Variants in ABCC4 observed in about 807,000 individuals in gnomAD.
The protein encoded by ABCC4 is ATP-binding cassette sub-family C member 4.
Under a neutral mutation model 168.5 loss-of-function variants are expected in ABCC4, and 102 were observed. The observed-to-expected ratio is 0.61, with a 90% CI of 0.52 to 0.71. ABCC4 has a LOEUF of 0.71. Among genes scored for constraint, ABCC4 ranks in the 30% least tolerant of loss-of-function variants. The pLI is 0.00. For missense variants in ABCC4, 1,402 were observed against 1,605.8 expected, an observed-to-expected ratio of 0.87 and a Z score of 2.17; for synonymous variants, 617 against 590.7, an observed-to-expected ratio of 1.04 and a Z score of -0.65.
chr13:95,079,157 C>T (rs2034006849), intron 21 of ABCC4, among the ~76,000 whole-genome samples: 1 of 152,178 alleles, frequency 6.6e-6, no homozygotes, highest in African/African-American at 2.4e-5. Flanking sequence ...GCAAAGACAA[C>T]TAACTAGTAC....
At chr13:95,290,473 G>C (rs1489606985) in intron 1 of ABCC4, among the ~76,000 whole-genome samples, 2 of 152,158 alleles carry the variant, frequency 1.3e-5, no homozygotes, top group African/African-American at 4.8e-5. Flanking sequence ...GGGAGGCCAA[G>C]GTAGGTGGAT....
In ABCC4 at chr13:95,043,802, G is replaced by A; in HGVS notation, c.3630-15C>T. 1 of 1,589,582 alleles carries A rather than the reference G, an allele frequency of 6.3e-7. No individual in the cohort carries two copies. Among genetic ancestry groups the A allele is most frequent in the Non-Finnish European group, 8.6e-7 (1 of 1,158,902 alleles). On this transcript the variant is annotated splice_polypyrimidine_tract_variant and intron_variant, in intron 28 of 30. Coordinates refer to ENST00000645237, the MANE Select transcript of ABCC4 (RefSeq NM_005845.5). ...ACTCATCAGTTCTGCAATCAAAGAAGTTAAGTTTAATTTCGTAAAGATGCA... is the reference window on the plus strand; with the variant it reads ...ACTCATCAGTTCTGCAATCAAAGAAATTAAGTTTAATTTCGTAAAGATGCA...
At chr13:95,108,134 A>G (rs1419669696) in intron 20 of ABCC4, among the ~76,000 whole-genome samples, 1 of 152,206 alleles carries the variant, frequency 6.6e-6, no homozygotes, top group African/African-American at 2.4e-5. Flanking sequence ...AATGTCTAAA[A>G]GAATTTTGGG....
chr13:95,101,751 G>T (rs1440015253), intron 20 of ABCC4, among the ~76,000 whole-genome samples: 1 of 152,124 alleles, frequency 6.6e-6, no homozygotes, highest in Non-Finnish European at 1.5e-5. Flanking sequence ...AGAGAAAATA[G>T]CCATTAAAGC....
intron 19 of ABCC4, among the ~76,000 whole-genome samples, chr13:95,141,398 G>T (rs985653049): frequency 4.6e-5 from 7 of 152,060 alleles, no homozygotes; most frequent in Admixed American, 2.0e-4. Context: ...CCCAAAATTT[G>T]TCCTCAAACT....
chr13:95,030,845 TTATG>T (rs1435589370), intron 30 of ABCC4, among the ~76,000 whole-genome samples: 9 of 152,328 alleles, frequency 5.9e-5, no homozygotes. Flanking sequence ...CCCTTCAGCT[TTATG>T]TACCTGAAAT....
chr13:95,139,039 C>T (rs182893948), intron 19 of ABCC4, among the ~76,000 whole-genome samples: 75 of 152,354 alleles, frequency 4.9e-4, no homozygotes, highest in African/African-American at 1.7e-3. Context: ...TGGGCCTCTC[C>T]TTCCACGGAG....
intron 13 of ABCC4, among the ~76,000 whole-genome samples, chr13:95,173,724 G>A (rs1310832444): frequency 1.3e-5 from 2 of 152,246 alleles, no homozygotes; most frequent in East Asian, 1.9e-4. Context: ...AACTAGTGCT[G>A]TGCCTGAATG....
chr13:95,045,632 C>T (rs9805846), intron 27 of ABCC4, among the ~76,000 whole-genome samples: 1 of 152,116 alleles, frequency 6.6e-6, no homozygotes, highest in South Asian at 2.1e-4. Flanking sequence ...TGATCTGATA[C>T]TACATTGGGT....
At chr13:95,269,432 AAAATATAT>A (rs1413928380) in intron 1 of ABCC4, 11 of 170,952 alleles carry the variant, frequency 6.4e-5, no homozygotes, top group African/African-American at 2.3e-4. Flanking sequence ...TCTCAAAAAA[AAAATATAT>A]ATATATATAT....
chr13:95,029,207 TATATATAGAGAGAGAGAGAG>T (rs1566355545), intron 30 of ABCC4, among the ~76,000 whole-genome samples: 89 of 52,298 alleles, frequency 1.7e-3, no homozygotes, highest in African/African-American at 6.2e-3. Flanking sequence ...TATATATATA[TATATATAGAGAGAGAGAGAG>T]AGAGAGAGAG....
At chr13:95,096,098 T>C in intron 20 of ABCC4, 1 of 545,544 alleles carries the variant, frequency 1.8e-6, no homozygotes, top group Admixed American at 3.5e-5. Context: ...ATCCCAGCAC[T>C]GAGGTTTGCT....
chr13:95,163,056 TACTC>T, intron 18 of ABCC4, 62 bp downstream of exon 18: 1 of 1,086,392 alleles, frequency 9.2e-7, no homozygotes, highest in South Asian at 1.3e-5. Flanking sequence ...AAGCCCTAGT[TACTC>T]ACACAGGCTC....
intron 10 of ABCC4, 87 bp downstream of exon 10, chr13:95,188,366 G>A: frequency 8.3e-7 from 1 of 1,197,762 alleles, no homozygotes; most frequent in South Asian, 1.2e-5. Flanking sequence ...GTTCAAAATT[G>A]TGTTACACGT....
chr13:95,027,190 A>AT (rs1425843950), intron 30 of ABCC4, among the ~76,000 whole-genome samples: 3 of 152,166 alleles, frequency 2.0e-5, no homozygotes, highest in African/African-American at 7.2e-5. Flanking sequence ...CAGACATGCA[A>AT]TAAGTCAGGG....
At chr13:95,189,500 T>C (rs1411467104) in intron 9 of ABCC4, among the ~76,000 whole-genome samples, 3 of 152,216 alleles carry the variant, frequency 2.0e-5, no homozygotes, top group Non-Finnish European at 4.4e-5. Flanking sequence ...TTTAATATTC[T>C]ATTTCATTAA....
chr13:95,158,726 G>A (rs1457363246), intron 19 of ABCC4, among the ~76,000 whole-genome samples: 1 of 152,026 alleles, frequency 6.6e-6, no homozygotes, highest in Non-Finnish European at 1.5e-5. Context: ...TAAGAGTACT[G>A]AAAAATCGAG....
At chr13:95,134,155 C>A (rs1594156550) in intron 19 of ABCC4, among the ~76,000 whole-genome samples, 4 of 152,110 alleles carry the variant, frequency 2.6e-5, no homozygotes. Flanking sequence ...ACCATCCTAG[C>A]CCTCTGTGAG....
chr13:95,153,866 C>T (rs1341916935), intron 19 of ABCC4, among the ~76,000 whole-genome samples: 1 of 152,156 alleles, frequency 6.6e-6, no homozygotes, highest in Non-Finnish European at 1.5e-5. Context: ...AACTACGTAA[C>T]TATTTAAACT....
Sources: allele counts gnomAD v4.1 joint callset (sites outside exome capture counted in the v4.1 genomes callset), GRCh38; gene constraint gnomAD v4.1.1; transcripts MANE v1.5; gene names NCBI Gene and HGNC (gene_info 2026-07-23, HGNC 2026-07-21).